The following ATP2B2 variants were observed in gnomAD, a reference collection of about 807,000 sequenced individuals.
ATP2B2 encodes ATPase plasma membrane Ca2+ transporting 2.
A neutral mutation model predicts 120.0 loss-of-function variants in ATP2B2; 15 were observed. The observed-to-expected ratio is 0.12, with a 90% CI of 0.08 to 0.19. The LOEUF (loss-of-function observed/expected upper bound fraction) is 0.19. Ranked by LOEUF, ATP2B2 falls within the 10% of genes least tolerant of loss-of-function variation. The pLI, the probability that ATP2B2 is intolerant of heterozygous loss-of-function variation, is 1.00. For synonymous variants in ATP2B2, 694 were observed against 700.3 expected, an observed-to-expected ratio of 0.99 and a Z score of 0.14; for missense variants, 1,045 against 1,719.8, an observed-to-expected ratio of 0.61 and a Z score of 6.94.
intron 2 of ATP2B2, among the ~76,000 whole-genome samples, chr3:10,599,332 T>G (rs1477948645): frequency 1.3e-5 from 2 of 152,166 alleles, no homozygotes; most frequent in African/African-American, 4.8e-5. Flanking sequence ...CTCGCCCTCC[T>G]GAGCACTCCA....
At chr3:10,633,119 T>A (rs1275917577) in intron 1 of ATP2B2, among the ~76,000 whole-genome samples, 6 of 152,224 alleles carry the variant, frequency 3.9e-5, no homozygotes, top group Non-Finnish European at 5.9e-5. Context: ...GTGGAATCCT[T>A]GCTCTTCCAC....
In ATP2B2 at chr3:10,358,937, T is replaced by C. The variant is rs1310988080; in HGVS notation, c.1902-12A>G. ...GGATTTTGCAGCACCTAGGGGAGGA[T>C]GGAAGGGAGATGGGGAGCCCAGGGA... On this transcript the variant is annotated splice_polypyrimidine_tract_variant and intron_variant, in intron 13 of 22. Transcript: ENST00000360273. The C allele has an allele frequency of 3.7e-6, 6 of 1,612,564 alleles. No homozygotes were observed. Among genetic ancestry groups the C allele is most frequent in the Non-Finnish European group, 5.1e-6 (6 of 1,179,790 alleles).
At chr3:10,645,042 A>C (rs2070286523) in intron 1 of ATP2B2, among the ~76,000 whole-genome samples, 1 of 152,200 alleles carries the variant, frequency 6.6e-6, no homozygotes, top group Non-Finnish European at 1.5e-5. Flanking sequence ...GCGTATGTTG[A>C]ATGCAAGTTA....
At chr3:10,692,490 C>T (rs962377858) in intron 1 of ATP2B2, among the ~76,000 whole-genome samples, 4 of 152,140 alleles carry the variant, frequency 2.6e-5, no homozygotes, top group African/African-American at 4.8e-5. Flanking sequence ...CTACTGGATG[C>T]GCACGTTCTG....
rs2061256598 is a variant in ATP2B2, at chr3:10,371,958, G to A, written c.1510C>T (p.Leu504=). The part of the protein sequence containing the change: ...TAICSDKTGT[L]TTNRMTVVQA... Reference sequence around the variant, plus strand: ...ACCACTGTCATGCGATTGGTGGTCAGCGTGCCTGTCTTGTCTGAGCAGATG... The same window carrying A: ...ACCACTGTCATGCGATTGGTGGTCAACGTGCCTGTCTTGTCTGAGCAGATG... Residue 504 remains leucine, a synonymous_variant, in exon 12 of 23, where the codon CTG becomes TTG. Coordinates refer to ENST00000360273, the MANE Select transcript of ATP2B2 (RefSeq NM_001001331.4). 5.6e-6 allele frequency: 9 copies of A among 1,614,248 alleles called. No individual in the cohort carries two copies. In the East Asian group the frequency reaches 1.8e-4, roughly 32 times the overall value.
rs562566097 is a variant in ATP2B2 at position 10,534,444 on chromosome 3, A to C, written c.-414-311T>G. Among the ~76,000 whole-genome samples the C allele has an allele frequency of 9.8e-5, 15 of 152,358 alleles. 1 individual carries two copies. The highest frequency in any genetic ancestry group is 8.5e-4 in the Admixed American group (13 of 15,310). On this transcript the variant is annotated intron_variant, in intron 2 of 21. Transcript: ENST00000646379. ...AGGGCTGCCCCTTTCACTAACATGCATCGGGCATCTAGCCATTCTATTCAT... is the reference window on the plus strand; with the variant it reads ...AGGGCTGCCCCTTTCACTAACATGCCTCGGGCATCTAGCCATTCTATTCAT...
chr3:10,389,014 A>T (rs1235611412), intron 5 of ATP2B2, among the ~76,000 whole-genome samples: 1 of 152,058 alleles, frequency 6.6e-6, no homozygotes, highest in African/African-American at 2.4e-5. Flanking sequence ...ATTTCATTTT[A>T]TGCATTTCAA....
intron 2 of ATP2B2, among the ~76,000 whole-genome samples, chr3:10,566,102 C>A (rs1380301961): frequency 6.6e-6 from 1 of 152,182 alleles, no homozygotes; most frequent in Non-Finnish European, 1.5e-5. Flanking sequence ...ATTTCTCCAC[C>A]CACCCTCCAA....
intron 1 of ATP2B2, among the ~76,000 whole-genome samples, chr3:10,493,004 A>G (rs756967890): frequency 6.6e-6 from 1 of 152,110 alleles, no homozygotes; most frequent in Non-Finnish European, 1.5e-5. Context: ...CCACCTCTCC[A>G]TATCTGGCCA....
chr3:10,558,357 A>G (rs2067825479), intron 2 of ATP2B2, among the ~76,000 whole-genome samples: 1 of 152,160 alleles, frequency 6.6e-6, no homozygotes, highest in Admixed American at 6.5e-5. Context: ...AGGCAGCCCT[A>G]AGATCATTGC....
intron 3 of ATP2B2, among the ~76,000 whole-genome samples, chr3:10,520,315 G>T (rs868132834): frequency 6.6e-6 from 1 of 152,176 alleles, no homozygotes; most frequent in Non-Finnish European, 1.5e-5. Flanking sequence ...GCAGGGGAGG[G>T]GGGTGCCGGT....
At chr3:10,383,812 A>G (rs1390064689) in intron 8 of ATP2B2, among the ~76,000 whole-genome samples, 1 of 152,156 alleles carries the variant, frequency 6.6e-6, no homozygotes, top group Non-Finnish European at 1.5e-5. Context: ...CTCTTGGGAT[A>G]TTTGGGGTTT....
At chr3:10,367,216 C>T (rs551617802) in intron 12 of ATP2B2, among the ~76,000 whole-genome samples, 22 of 152,262 alleles carry the variant, frequency 1.4e-4, no homozygotes, top group Middle Eastern at 3.4e-3. Flanking sequence ...AAGTGAGCTA[C>T]ACATCTTAAG....
intron 2 of ATP2B2, among the ~76,000 whole-genome samples, chr3:10,543,565 T>C (rs772857632): frequency 2.6e-5 from 4 of 152,222 alleles, no homozygotes; most frequent in Non-Finnish European, 5.9e-5. Flanking sequence ...ATTGTTTTTG[T>C]TTTGGAAAAT....
intron 1 of ATP2B2, among the ~76,000 whole-genome samples, chr3:10,457,795 G>C (rs1356064295): frequency 7.7e-6 from 1 of 130,040 alleles, no homozygotes; most frequent in African/African-American, 2.6e-5. Context: ...CTGTTAACCA[G>C]AAAAGGAAAA....
intron 3 of ATP2B2, among the ~76,000 whole-genome samples, chr3:10,522,906 T>C (rs142347541): frequency 0.011 from 1,611 of 152,344 alleles, 12 homozygotes; most frequent in Middle Eastern, 0.044. Flanking sequence ...GTGACGATGA[T>C]GTCGGCACCC....
intron 2 of ATP2B2, among the ~76,000 whole-genome samples, chr3:10,588,160 CA>C (rs1454478716): frequency 2.6e-5 from 4 of 152,218 alleles, no homozygotes; most frequent in African/African-American, 9.7e-5. Context: ...TCTTACTGTG[CA>C]GTTGACATTT....
chr3:10,662,674 G>C (rs984956616), intron 1 of ATP2B2, among the ~76,000 whole-genome samples: 8 of 151,998 alleles, frequency 5.3e-5, no homozygotes, highest in Non-Finnish European at 8.8e-5. Flanking sequence ...TATTGTGGAA[G>C]ACTGTGTGGC....
intron 1 of ATP2B2, among the ~76,000 whole-genome samples, chr3:10,628,199 G>C (rs1405887912): frequency 6.6e-6 from 1 of 152,240 alleles, no homozygotes; most frequent in East Asian, 1.9e-4. Context: ...CAGGGCTTTG[G>C]ACTTTCTCCT....
Sources: allele counts gnomAD v4.1 joint callset (sites outside exome capture counted in the v4.1 genomes callset), GRCh38; gene constraint gnomAD v4.1.1; transcripts MANE v1.5; gene names NCBI Gene and HGNC (gene_info 2026-07-23, HGNC 2026-07-21).